The following PTPRD variants were observed in gnomAD, a reference collection of about 807,000 sequenced individuals.
The protein encoded by PTPRD is protein tyrosine phosphatase receptor type D, also known as receptor-type tyrosine-protein phosphatase delta.
Under a neutral mutation model 214.5 loss-of-function variants are expected in PTPRD, and 34 were observed. That is an observed-to-expected ratio of 0.16 (90% CI 0.12 to 0.21). The LOEUF is 0.21. Among genes scored for constraint, PTPRD ranks in the 10% least tolerant of loss-of-function variants. The pLI, the probability that PTPRD is intolerant of heterozygous loss-of-function variation, is 1.00. For synonymous variants in PTPRD, 1,128 were observed against 845.7 expected (o/e 1.33, Z -5.79); for missense variants, 2,545 against 2,398.7 (o/e 1.06, Z -1.27).
intron 6 of PTPRD, among the ~76,000 whole-genome samples, chr9:9,743,516 G>A (rs2098425197): frequency 6.6e-6 from 1 of 151,972 alleles, no homozygotes; most frequent in South Asian, 2.1e-4. Flanking sequence ...GATAATCCTG[G>A]ACTTCATGGG....
chr9:8,811,937 G>A (rs946138790), intron 11 of PTPRD, among the ~76,000 whole-genome samples: 1 of 152,234 alleles, frequency 6.6e-6, no homozygotes, highest in East Asian at 1.9e-4. Flanking sequence ...TGAGGCCTGA[G>A]TGAAGATCTG....
chr9:8,929,753 A>ATG (rs200119100), intron 11 of PTPRD, among the ~76,000 whole-genome samples: 5,102 of 68,458 alleles, frequency 0.075, 608 homozygotes, highest in Middle Eastern at 0.14. Context: ...GTGTATATAT[A>ATG]TATGTATATA....
chr9:8,469,659 C>T (rs1322583683), intron 31 of PTPRD, among the ~76,000 whole-genome samples: 1 of 151,996 alleles, frequency 6.6e-6, no homozygotes, highest in Non-Finnish European at 1.5e-5. Context: ...TTTGTTCCTT[C>T]ACCATCAAAA....
chr9:9,233,550 G>C, intron 9 of PTPRD, among the ~76,000 whole-genome samples: 1 of 152,140 alleles, frequency 6.6e-6, no homozygotes, highest in East Asian at 1.9e-4. Flanking sequence ...TAACCCAAAA[G>C]TCCAAGTTCA....
At chr9:8,996,789 C>T (rs2099398545) in intron 11 of PTPRD, among the ~76,000 whole-genome samples, 1 of 152,012 alleles carries the variant, frequency 6.6e-6, no homozygotes, top group African/African-American at 2.4e-5. Flanking sequence ...CCCCAAGGCC[C>T]TACCTCTTAA....
chr9:10,323,003 A>C (rs1449715956), intron 3 of PTPRD, among the ~76,000 whole-genome samples: 2 of 151,978 alleles, frequency 1.3e-5, no homozygotes, highest in Non-Finnish European at 1.5e-5. Context: ...TTACAACAAA[A>C]TTATTTGATT....
intron 10 of PTPRD, among the ~76,000 whole-genome samples, chr9:9,092,911 C>G (rs190091072): frequency 1.3e-5 from 2 of 151,450 alleles, no homozygotes; most frequent in East Asian, 1.9e-4. Context: ...TTAAAAAAAC[C>G]CAATACTCTA....
At position 8,499,781 on chromosome 9, in the gene PTPRD, C is replaced by G. The variant is rs2097354030; in HGVS notation, c.2188G>C (p.Val730Leu). Residue 730 changes from valine to leucine, a missense_variant, in exon 25 of 46, where the codon GTC (valine) becomes CTC (leucine). Coordinates refer to ENST00000381196, the MANE Select transcript of PTPRD (RefSeq NM_002839.4). Reference protein sequence around the residue: ...VEAVNSTSVKVSWRSPVPNKQ... With the variant: ...VEAVNSTSVKLSWRSPVPNKQ... ...TTGGGCACGGGTGAGCGCCATGAGA[C>G]TTTAACAGATGTTGAGTTGACAGCC... 1 of 1,613,834 alleles carries G rather than the reference C, an allele frequency of 6.2e-7. No homozygotes were observed. The highest frequency in any genetic ancestry group is 1.3e-5 in the African/African-American group (1 of 74,882).
At chr9:9,647,192 T>C (rs762395179) in intron 7 of PTPRD, among the ~76,000 whole-genome samples, 1 of 152,174 alleles carries the variant, frequency 6.6e-6, no homozygotes, top group Non-Finnish European at 1.5e-5. Context: ...CTCTTTCTAG[T>C]CATTCCATTC....
At chr9:8,358,997 A>G (rs7874217) in intron 39 of PTPRD, among the ~76,000 whole-genome samples, 10,317 of 147,260 alleles carry the variant, frequency 0.07, 1,010 homozygotes, top group African/African-American at 0.22. Flanking sequence ...AGTCCCAGCT[A>G]CTCGGGAGGC....
intron 9 of PTPRD, among the ~76,000 whole-genome samples, chr9:9,380,639 G>T (rs2140286359): frequency 6.6e-6 from 1 of 152,248 alleles, no homozygotes; most frequent in Middle Eastern, 3.4e-3. Context: ...ATGTGAGTTT[G>T]AGAAGAATTT....
At chr9:9,541,911 CT>C (rs1243089268) in intron 8 of PTPRD, among the ~76,000 whole-genome samples, 1 of 151,482 alleles carries the variant, frequency 6.6e-6, no homozygotes, top group Non-Finnish European at 1.5e-5. Flanking sequence ...GAAGAAAAGT[CT>C]AAGATAATGA....
intron 10 of PTPRD, among the ~76,000 whole-genome samples, chr9:9,153,607 A>G (rs1448331302): frequency 6.6e-6 from 1 of 152,236 alleles, no homozygotes; most frequent in African/African-American, 2.4e-5. Context: ...CAGTGATATT[A>G]ACTATACATT....
chr9:9,288,405 T>TA (rs1158681900), intron 9 of PTPRD, among the ~76,000 whole-genome samples: 2 of 152,014 alleles, frequency 1.3e-5, no homozygotes, highest in Non-Finnish European at 2.9e-5. Context: ...AATATAGACT[T>TA]ATCCTTTACA....
At position 8,609,052 on chromosome 9, in the gene PTPRD, C is replaced by A. The variant is rs565108023; in HGVS notation, c.352+24265G>T. On this transcript the variant is annotated intron_variant, in intron 14 of 45. Coordinates refer to ENST00000381196, the MANE Select transcript of PTPRD (RefSeq NM_002839.4). Reference sequence around the variant, plus strand: ...AGTCATCTGTGGGCAAAGTGCAGCACAACCATCAACAAAAACAAAATTCTC... The same window carrying A: ...AGTCATCTGTGGGCAAAGTGCAGCAAAACCATCAACAAAAACAAAATTCTC... Among the ~76,000 whole-genome samples the A allele has an allele frequency of 5.9e-5, 9 of 152,294 alleles. No homozygotes were observed. In the South Asian group the frequency reaches 1.5e-3, roughly 25 times the overall value.
chr9:9,868,536 G>C (rs142358396), intron 5 of PTPRD, among the ~76,000 whole-genome samples: 1 of 151,908 alleles, frequency 6.6e-6, no homozygotes, highest in Non-Finnish European at 1.5e-5. Flanking sequence ...AATATAGCTT[G>C]AGAATAAAAG....
chr9:8,428,954 T>G (rs568874148), intron 35 of PTPRD, among the ~76,000 whole-genome samples: 1 of 152,176 alleles, frequency 6.6e-6, no homozygotes. Flanking sequence ...TTTGTGGTCA[T>G]TGCTTAGATG....
At chr9:9,327,805 C>T (rs906479806) in intron 9 of PTPRD, among the ~76,000 whole-genome samples, 1 of 151,690 alleles carries the variant, frequency 6.6e-6, no homozygotes, top group Non-Finnish European at 1.5e-5. Context: ...GCATGTACAT[C>T]ACGGGTGTCC....
chr9:8,612,996 A>T (rs1038463571), intron 14 of PTPRD, among the ~76,000 whole-genome samples: 1 of 152,186 alleles, frequency 6.6e-6, no homozygotes, highest in Non-Finnish European at 1.5e-5. Context: ...AGGATTATTA[A>T]TAACACCAGT....
Sources: gnomAD v4.1 joint callset for allele counts (sites outside exome capture counted in the v4.1 genomes callset) on GRCh38, gnomAD v4.1.1 for gene constraint, MANE v1.5 for transcripts, NCBI Gene and HGNC (gene_info 2026-07-23, HGNC 2026-07-21) for gene names.